EPHA6: variants seen among roughly 807,000 people sequenced by gnomAD.
EPHA6 encodes the protein ephrin type-A receptor 6.
In EPHA6, 50 loss-of-function variants were observed where a neutral mutation model predicts 112.0. The observed-to-expected ratio is 0.45, with a 90% confidence interval of 0.36 to 0.56. EPHA6 has a LOEUF of 0.56. Among genes scored for constraint, EPHA6 ranks in the 20% least tolerant of loss-of-function variants. The probability of loss-of-function intolerance (pLI) is 0.00; values close to 1 mark genes in which losing one functional copy is unlikely to be tolerated. For synonymous variants in EPHA6, 529 were observed against 490.7 expected (o/e 1.08, Z -1.03); for missense variants, 1,280 against 1,417.4 (o/e 0.90, Z 1.56).
At chr3:97,407,244 C>A (rs1283138688) in intron 6 of EPHA6, among the ~76,000 whole-genome samples, 3 of 151,800 alleles carry the variant, frequency 2.0e-5, no homozygotes, top group Non-Finnish European at 4.4e-5. Flanking sequence ...TAGCTATTGT[C>A]AAATGCTAAT....
intron 3 of EPHA6, among the ~76,000 whole-genome samples, chr3:97,130,555 T>C (rs1387746871): frequency 6.6e-6 from 1 of 152,212 alleles, no homozygotes; most frequent in African/African-American, 2.4e-5. Context: ...TGTTAAAATA[T>C]ATCCATTTCC....
At chr3:97,305,308 G>C (rs2081270271) in intron 5 of EPHA6, among the ~76,000 whole-genome samples, 1 of 151,980 alleles carries the variant, frequency 6.6e-6, no homozygotes, top group South Asian at 2.1e-4. Flanking sequence ...AACTATTGTG[G>C]CAATTCCTCA....
intron 5 of EPHA6, among the ~76,000 whole-genome samples, chr3:97,330,516 T>G (rs1173333123): frequency 6.6e-6 from 1 of 152,078 alleles, no homozygotes; most frequent in Non-Finnish European, 1.5e-5. Context: ...TGTAGTTCTC[T>G]TTGACGAGGT....
intron 2 of EPHA6, among the ~76,000 whole-genome samples, chr3:96,982,921 A>C (rs908991266): frequency 6.6e-6 from 1 of 151,974 alleles, no homozygotes; most frequent in Non-Finnish European, 1.5e-5. Flanking sequence ...ATCTTCCTCC[A>C]TCCTTTTATT....
chr3:97,564,141 G>A (rs1281969579), intron 11 of EPHA6, among the ~76,000 whole-genome samples: 1 of 152,038 alleles, frequency 6.6e-6, no homozygotes. Context: ...TAAGACTCAG[G>A]AAGAAGTCAG....
chr3:97,313,234 T>A (rs1165271269), intron 5 of EPHA6, among the ~76,000 whole-genome samples: 8 of 151,566 alleles, frequency 5.3e-5, no homozygotes, highest in African/African-American at 1.7e-4. Flanking sequence ...ATCTTCTTTT[T>A]AAGGCTATAT....
intron 3 of EPHA6, among the ~76,000 whole-genome samples, chr3:97,122,355 C>T (rs982068342): frequency 5.3e-5 from 8 of 151,912 alleles, no homozygotes; most frequent in African/African-American, 1.4e-4. Flanking sequence ...AAAATTCCTA[C>T]GGTTTTCTAT....
intron 5 of EPHA6, among the ~76,000 whole-genome samples, chr3:97,294,758 G>A (rs1366369837): frequency 1.3e-5 from 2 of 152,046 alleles, no homozygotes; most frequent in African/African-American, 4.8e-5. Context: ...TCCAAGTGTA[G>A]GACTTAAGCA....
chr3:97,534,445 A>G (rs1308103955), intron 11 of EPHA6, among the ~76,000 whole-genome samples: 1 of 150,280 alleles, frequency 6.7e-6, no homozygotes, highest in Non-Finnish European at 1.5e-5. Flanking sequence ...GTCTCACTTT[A>G]AAACCCACCC....
intron 2 of EPHA6, among the ~76,000 whole-genome samples, chr3:96,925,866 A>G (rs1053555605): frequency 2.0e-5 from 3 of 152,076 alleles, no homozygotes; most frequent in Admixed American, 6.5e-5. Context: ...TTGGCCTCCC[A>G]AAGTGCTGAG....
In EPHA6 at chr3:97,104,634, T is replaced by C. The variant is rs540223864; in HGVS notation, c.1114+116641T>C. Among the ~76,000 whole-genome samples the C allele has an allele frequency of 1.4e-4, 21 of 152,202 alleles. No homozygotes were observed. In the South Asian group the frequency reaches 2.3e-3, roughly 17 times the overall value. On this transcript the variant is annotated intron_variant, in intron 3 of 17. Coordinates refer to ENST00000389672, the MANE Select transcript of EPHA6 (RefSeq NM_001080448.3). Reference sequence around the variant, plus strand: ...TTTTCATCATGTCTCTGCTAGGTTTTGATATTGGGATGATGCTGGCCTCAT... The same window carrying C: ...TTTTCATCATGTCTCTGCTAGGTTTCGATATTGGGATGATGCTGGCCTCAT...
At chr3:97,140,405 A>G in intron 3 of EPHA6, among the ~76,000 whole-genome samples, 1 of 152,116 alleles carries the variant, frequency 6.6e-6, no homozygotes. Flanking sequence ...TCCAAAGTGA[A>G]CATGAGAGGA....
chr3:97,314,223 C>G (rs904521929), intron 5 of EPHA6, among the ~76,000 whole-genome samples: 2 of 151,550 alleles, frequency 1.3e-5, no homozygotes, highest in African/African-American at 4.8e-5. Context: ...CTATTCTTTC[C>G]TATTGGCCAG....
intron 2 of EPHA6, among the ~76,000 whole-genome samples, chr3:96,979,945 A>G (rs1349018569): frequency 6.6e-6 from 1 of 152,034 alleles, no homozygotes; most frequent in East Asian, 1.9e-4. Context: ...TAGATGCTTG[A>G]TATTAGCCCT....
chr3:97,604,941 A>G (rs1468832209), intron 12 of EPHA6, among the ~76,000 whole-genome samples: 1 of 151,402 alleles, frequency 6.6e-6, no homozygotes, highest in East Asian at 1.9e-4. Flanking sequence ...TTGAATACCT[A>G]CTCTGTGCCT....
chr3:97,347,618 G>A (rs1322768137), intron 5 of EPHA6, among the ~76,000 whole-genome samples: 1 of 151,958 alleles, frequency 6.6e-6, no homozygotes, highest in Non-Finnish European at 1.5e-5. Context: ...AAATTTGGAG[G>A]GGGAAAGGGT....
At chr3:97,069,049 G>A (rs913967616) in intron 3 of EPHA6, among the ~76,000 whole-genome samples, 3 of 152,066 alleles carry the variant, frequency 2.0e-5, no homozygotes, top group Non-Finnish European at 2.9e-5. Context: ...ACCCTTGAAC[G>A]ACACTGGGGT....
intron 5 of EPHA6, among the ~76,000 whole-genome samples, chr3:97,390,862 C>T (rs2086357249): frequency 6.6e-6 from 1 of 151,936 alleles, no homozygotes; most frequent in African/African-American, 2.4e-5. Context: ...GATACTGGGG[C>T]ATTTTCAACC....
At chr3:97,083,790 T>C (rs1408925448) in intron 3 of EPHA6, among the ~76,000 whole-genome samples, 1 of 151,790 alleles carries the variant, frequency 6.6e-6, no homozygotes, top group Non-Finnish European at 1.5e-5. Flanking sequence ...ACAAAGATAA[T>C]CAGTGGATCA....
Sources: allele counts gnomAD v4.1 joint callset (sites outside exome capture counted in the v4.1 genomes callset), GRCh38; gene constraint gnomAD v4.1.1; transcripts MANE v1.5; gene names NCBI Gene and HGNC (gene_info 2026-07-23, HGNC 2026-07-21).